The following PAK1 variants were observed in gnomAD, a reference collection of about 807,000 sequenced individuals.
PAK1 encodes the protein p21 (RAC1) activated kinase 1, also known as serine/threonine-protein kinase PAK 1.
PAK1 carries 29 observed loss-of-function variants against 67.4 expected under a neutral mutation model. The observed-to-expected ratio is 0.43, with a 90% CI of 0.32 to 0.59. PAK1 has a LOEUF of 0.59. Ranked by LOEUF, PAK1 falls within the 20% of genes least tolerant of loss-of-function variation. The pLI, the probability that PAK1 is intolerant of heterozygous loss-of-function variation, is 0.07. For synonymous variants in PAK1, 223 were observed against 237.4 expected, an observed-to-expected ratio of 0.94 and a Z score of 0.56; for missense variants, 337 against 670.7, an observed-to-expected ratio of 0.50 and a Z score of 5.50.
At chr11:77,472,773 CT>C (rs1297740833) in intron 1 of PAK1, among the ~76,000 whole-genome samples, 1 of 152,168 alleles carries the variant, frequency 6.6e-6, no homozygotes, top group Admixed American at 6.5e-5. Context: ...GGAACTAACC[CT>C]TCCCTTCACT....
intron 2 of PAK1, among the ~76,000 whole-genome samples, chr11:77,383,844 C>T (rs550546603): frequency 1.3e-5 from 2 of 152,256 alleles, no homozygotes; most frequent in Admixed American, 6.5e-5. Flanking sequence ...TGGCTCATCA[C>T]CACAAACCCA....
At chr11:77,430,184 G>A (rs1291563791) in intron 1 of PAK1, among the ~76,000 whole-genome samples, 1 of 151,890 alleles carries the variant, frequency 6.6e-6, no homozygotes, top group Non-Finnish European at 1.5e-5. Flanking sequence ...AAGGTTATGT[G>A]TCTCATAGTG....
the PAK1 span, among the ~76,000 whole-genome samples, chr11:77,523,088 G>A: frequency 7.2e-5 from 11 of 152,314 alleles, no homozygotes; most frequent in Admixed American, 2.0e-4. Flanking sequence ...GAGAGGGAAA[G>A]GGGCAAGGGT....
At position 77,343,951 on chromosome 11, in the gene PAK1, C is replaced by T. The variant is rs761122789; in HGVS notation, c.886-20G>A. 2.0e-6 allele frequency: 3 copies of T among 1,486,260 alleles called. No homozygotes were observed. Among genetic ancestry groups the T allele is most frequent in the Non-Finnish European group, 1.9e-6 (2 of 1,063,804 alleles). 92.1% of individuals were successfully genotyped at this position (1,486,260 alleles called of 1,614,324 possible). A position where few individuals can be genotyped will look rare whatever the true frequency, so the allele number is the denominator to read the frequency against. On this transcript the variant is annotated intron_variant, in intron 9 of 14. Coordinates refer to ENST00000356341, the MANE Select transcript of PAK1 (RefSeq NM_002576.5). ...GGCCACCTGAAATCAAGAGTATATT[C>T]AATGTGCAACCATAGTCATTCCCAT... is the stretch of plus-strand genomic sequence containing the variant.
chr11:77,370,510 CTCTT>C (rs2136901581), intron 5 of PAK1, among the ~76,000 whole-genome samples: 1 of 152,300 alleles, frequency 6.6e-6, no homozygotes, highest in Admixed American at 6.5e-5. Flanking sequence ...TGACCCATGA[CTCTT>C]TCCTGCTTCT....
At chr11:77,342,342 AC>A (rs1423355942) in intron 10 of PAK1, among the ~76,000 whole-genome samples, 1 of 152,206 alleles carries the variant, frequency 6.6e-6, no homozygotes, top group East Asian at 1.9e-4. Context: ...TGATTAATAA[AC>A]AAATCTATAA....
intron 1 of PAK1, among the ~76,000 whole-genome samples, chr11:77,422,293 C>A (rs1374709757): frequency 6.6e-6 from 1 of 152,172 alleles, no homozygotes; most frequent in Non-Finnish European, 1.5e-5. Flanking sequence ...GGCACAGTGG[C>A]TCACACCTGT....
the PAK1 span, among the ~76,000 whole-genome samples, chr11:77,490,694 A>G: frequency 6.6e-6 from 1 of 152,248 alleles, no homozygotes; most frequent in South Asian, 2.1e-4. Context: ...AAAGTGGGGA[A>G]AGGTGGGGAA....
the PAK1 span, among the ~76,000 whole-genome samples, chr11:77,518,369 C>T: frequency 6.6e-6 from 1 of 152,124 alleles, no homozygotes; most frequent in Non-Finnish European, 1.5e-5. Context: ...AGTCTACTTG[C>T]CCCAGGTTCT....
intron 1 of PAK1, among the ~76,000 whole-genome samples, chr11:77,406,823 T>C (rs1433339490): frequency 1.3e-5 from 2 of 152,028 alleles, no homozygotes; most frequent in East Asian, 3.8e-4. Flanking sequence ...ACACCAAGAT[T>C]TACTAGACCC....
intron 1 of PAK1, among the ~76,000 whole-genome samples, chr11:77,429,234 G>A (rs1232513911): frequency 6.6e-6 from 1 of 151,968 alleles, no homozygotes; most frequent in Non-Finnish European, 1.5e-5. Context: ...GCCAACTTCT[G>A]ATTTGGCTCC....
intron 14 of PAK1, among the ~76,000 whole-genome samples, chr11:77,332,381 A>G (rs1346761173): frequency 3.3e-4 from 21 of 63,870 alleles, no homozygotes; most frequent in Non-Finnish European, 4.8e-4. Flanking sequence ...AGGGAAGGGA[A>G]GGGAAGGGAA....
intron 5 of PAK1, among the ~76,000 whole-genome samples, chr11:77,363,727 C>CA (rs1415400280): frequency 6.6e-6 from 1 of 152,170 alleles, no homozygotes; most frequent in Non-Finnish European, 1.5e-5. Context: ...AGAAGACTGG[C>CA]AAATCCTCTC....
intron 2 of PAK1, among the ~76,000 whole-genome samples, chr11:77,382,293 C>T (rs1348471357): frequency 6.6e-6 from 1 of 152,142 alleles, no homozygotes; most frequent in Non-Finnish European, 1.5e-5. Flanking sequence ...CATGAACACA[C>T]AGGGTAATGC....
the PAK1 span, among the ~76,000 whole-genome samples, chr11:77,520,073 C>T: frequency 6.6e-6 from 1 of 151,422 alleles, no homozygotes; most frequent in Non-Finnish European, 1.5e-5. Flanking sequence ...CAAAGCCCTG[C>T]GCAGGTTCCC....
the PAK1 span, among the ~76,000 whole-genome samples, chr11:77,506,828 T>A: frequency 6.6e-6 from 1 of 151,982 alleles, no homozygotes; most frequent in East Asian, 1.9e-4. Context: ...TCATAGAGAT[T>A]GGGGGGTACA....
chr11:77,460,157 T>C (rs1352365465), intron 1 of PAK1, among the ~76,000 whole-genome samples: 5 of 47,380 alleles, frequency 1.1e-4, no homozygotes, highest in South Asian at 6.3e-4. Flanking sequence ...CTCTGTAGAA[T>C]AGAAAAAAAA....
chr11:77,404,751 G>A (rs1279169107), intron 1 of PAK1, among the ~76,000 whole-genome samples: 2 of 152,072 alleles, frequency 1.3e-5, no homozygotes, highest in South Asian at 2.1e-4. Context: ...TCCTTCACTC[G>A]TTCTCACCTG....
At chr11:77,414,319 G>A (rs1954831254) in intron 1 of PAK1, among the ~76,000 whole-genome samples, 2 of 152,236 alleles carry the variant, frequency 1.3e-5, no homozygotes, top group Non-Finnish European at 2.9e-5. Context: ...AGGAGGTGAT[G>A]ATTTTATGGT....
Sources: gnomAD v4.1 joint callset for allele counts (sites outside exome capture counted in the v4.1 genomes callset) on GRCh38, gnomAD v4.1.1 for gene constraint, MANE v1.5 for transcripts, NCBI Gene and HGNC (gene_info 2026-07-23, HGNC 2026-07-21) for gene names.